The following ASIC2 variants were observed in gnomAD, a reference collection of about 807,000 sequenced individuals.
ASIC2 encodes the protein acid sensing ion channel subunit 2, also known as acid-sensing ion channel 2.
In ASIC2, 25 loss-of-function variants were observed where a neutral mutation model predicts 57.3. The observed-to-expected ratio is 0.44, with a 90% CI of 0.32 to 0.61. The LOEUF is 0.61. ASIC2 is among the 20% of genes least tolerant of loss of function. The pLI is 0.06. For missense variants in ASIC2, 641 were observed against 738.1 expected, an observed-to-expected ratio of 0.87 and a Z score of 1.52; for synonymous variants, 319 against 307.5, an observed-to-expected ratio of 1.04 and a Z score of -0.39.
At chr17:33,915,829 A>T (rs2141961797) in intron 1 of ASIC2, among the ~76,000 whole-genome samples, 1 of 152,292 alleles carries the variant, frequency 6.6e-6, no homozygotes, top group South Asian at 2.1e-4. Flanking sequence ...GTGAAAGTCA[A>T]GAGGAGAATC....
intron 1 of ASIC2, among the ~76,000 whole-genome samples, chr17:33,783,639 C>G (rs1201914460): frequency 1.3e-5 from 2 of 152,192 alleles, no homozygotes; most frequent in African/African-American, 4.8e-5. Context: ...CAGACTGGCT[C>G]TCCTGTCATC....
chr17:33,804,532 G>A (rs941871400), intron 1 of ASIC2, among the ~76,000 whole-genome samples: 4 of 152,298 alleles, frequency 2.6e-5, no homozygotes, highest in East Asian at 3.9e-4. Flanking sequence ...AAAAGTCTCC[G>A]CCCATTACCA....
chr17:33,305,580 A>G (rs73285950), intron 1 of ASIC2, among the ~76,000 whole-genome samples: 2,843 of 152,340 alleles, frequency 0.019, 86 homozygotes, highest in African/African-American at 0.065. Context: ...ATGTCATTTA[A>G]TGTTGGGGCA....
intron 1 of ASIC2, among the ~76,000 whole-genome samples, chr17:33,884,722 C>A (rs1914786705): frequency 6.6e-6 from 1 of 152,076 alleles, no homozygotes; most frequent in Non-Finnish European, 1.5e-5. Context: ...CACCCCATCC[C>A]CACACCCCCT....
At chr17:33,222,326 A>G (rs543174520) in intron 1 of ASIC2, among the ~76,000 whole-genome samples, 1 of 152,366 alleles carries the variant, frequency 6.6e-6, no homozygotes, top group Non-Finnish European at 1.5e-5. Flanking sequence ...GTCAGACACA[A>G]AAGGTCACAG....
chr17:33,322,574 T>A (rs941816547), intron 1 of ASIC2, among the ~76,000 whole-genome samples: 18 of 152,238 alleles, frequency 1.2e-4, no homozygotes, highest in African/African-American at 4.3e-4. Flanking sequence ...CATTCATTCA[T>A]TCATTCATCC....
intron 1 of ASIC2, among the ~76,000 whole-genome samples, chr17:33,694,489 T>A (rs1908468921): frequency 2.6e-5 from 4 of 152,200 alleles, no homozygotes. Flanking sequence ...TTTTTATTCA[T>A]GTTGTTTCCA....
At chr17:34,002,286 C>A (rs147681834) in intron 1 of ASIC2, 5 of 152,330 alleles carry the variant, frequency 3.3e-5, no homozygotes, top group Admixed American at 1.3e-4. Context: ...GAAGAAATTC[C>A]TGTCTTTCAA....
chr17:33,325,341 C>T (rs1269886469), intron 1 of ASIC2, among the ~76,000 whole-genome samples: 1 of 152,102 alleles, frequency 6.6e-6, no homozygotes, highest in Non-Finnish European at 1.5e-5. Context: ...GCAGAGGAGA[C>T]AACTTTAAAG....
At chr17:33,889,759 G>A (rs543794473) in intron 1 of ASIC2, among the ~76,000 whole-genome samples, 64 of 152,166 alleles carry the variant, frequency 4.2e-4, no homozygotes, top group Non-Finnish European at 8.8e-4. Flanking sequence ...GCAAAGAGGC[G>A]GGAGAGTTAG....
At chr17:33,052,205 G>A (rs527411107) in intron 3 of ASIC2, 1 of 152,352 alleles carries the variant, frequency 6.6e-6, no homozygotes, top group East Asian at 1.9e-4. Flanking sequence ...CACAGAGTCA[G>A]GCACCGCCAA....
At chr17:33,940,014 G>A (rs1916150779) in intron 1 of ASIC2, among the ~76,000 whole-genome samples, 1 of 152,148 alleles carries the variant, frequency 6.6e-6, no homozygotes, top group African/African-American at 2.4e-5. Context: ...AGAAAGAAAA[G>A]GAGGAGAAAA....
In ASIC2 at chr17:33,616,390, G is replaced by A. The variant is rs887158211; in HGVS notation, c.556-504323C>T. Reference sequence around the variant, plus strand: ...CCCAGTGTATACGATATATGCATTCGTGAAGCCATAGTTTAATGTGGCATA... The same window carrying A: ...CCCAGTGTATACGATATATGCATTCATGAAGCCATAGTTTAATGTGGCATA... On this transcript the variant is annotated intron_variant, in intron 1 of 9. Coordinates refer to the ASIC2 transcript ENST00000359872. Among the ~76,000 whole-genome samples the A allele has an allele frequency of 9.9e-5, 15 of 152,182 alleles. No homozygotes were observed. In the East Asian group the frequency reaches 1.2e-3, roughly 12 times the overall value.
intron 1 of ASIC2, among the ~76,000 whole-genome samples, chr17:33,384,424 T>C (rs545425333): frequency 4.6e-5 from 7 of 152,182 alleles, no homozygotes; most frequent in Non-Finnish European, 1.0e-4. Flanking sequence ...ATCTTTTTTT[T>C]CTGTGAACTG....
intron 1 of ASIC2, among the ~76,000 whole-genome samples, chr17:34,013,832 G>T (rs1187590338): frequency 6.6e-6 from 1 of 152,186 alleles, no homozygotes; most frequent in Non-Finnish European, 1.5e-5. Context: ...CAGGCAGGGG[G>T]CACCTGAATA....
chr17:33,854,869 G>C (rs1913874760), intron 1 of ASIC2, among the ~76,000 whole-genome samples: 1 of 152,140 alleles, frequency 6.6e-6, no homozygotes, highest in South Asian at 2.1e-4. Context: ...GTGGTTATTA[G>C]TGTTTAAAAA....
intron 1 of ASIC2, among the ~76,000 whole-genome samples, chr17:34,083,484 C>T (rs956462429): frequency 2.6e-5 from 4 of 151,524 alleles, no homozygotes; most frequent in South Asian, 2.1e-4. Flanking sequence ...AATAAACATA[C>T]GTGTGCATGT....
chr17:33,220,434 C>T (rs748740490), intron 1 of ASIC2, among the ~76,000 whole-genome samples: 14 of 152,168 alleles, frequency 9.2e-5, no homozygotes, highest in Non-Finnish European at 1.6e-4. Flanking sequence ...TCCCCATTGA[C>T]GTGGTTTCCC....
chr17:33,501,928 T>C (rs1217298480), intron 1 of ASIC2, among the ~76,000 whole-genome samples: 1 of 152,026 alleles, frequency 6.6e-6, no homozygotes, highest in Non-Finnish European at 1.5e-5. Context: ...TTGGAGGCCT[T>C]AGAGGGCCAG....
Sources: allele counts gnomAD v4.1 joint callset (sites outside exome capture counted in the v4.1 genomes callset), GRCh38; gene constraint gnomAD v4.1.1; transcripts MANE v1.5; gene names NCBI Gene and HGNC (gene_info 2026-07-23, HGNC 2026-07-21).